The following RIMKLB variants were observed in gnomAD, a reference collection of about 807,000 sequenced individuals.
RIMKLB encodes the protein ribosomal modification protein rimK like family member B, also known as beta-citrylglutamate synthase B.
A neutral mutation model predicts 32.0 loss-of-function variants in RIMKLB; 7 were observed. The observed-to-expected ratio is 0.22, with a 90% CI of 0.12 to 0.41. RIMKLB has a LOEUF of 0.41. RIMKLB is among the 10% of genes least tolerant of loss of function. The pLI, the probability that RIMKLB is intolerant of heterozygous loss-of-function variation, is 1.00. For synonymous variants in RIMKLB, 172 were observed against 185.1 expected, an observed-to-expected ratio of 0.93 and a Z score of 0.57; for missense variants, 289 against 498.7, an observed-to-expected ratio of 0.58 and a Z score of 4.00.
intron 2 of RIMKLB, among the ~76,000 whole-genome samples, chr12:8,745,054 C>T (rs1245213622): frequency 6.6e-6 from 1 of 151,848 alleles, no homozygotes; most frequent in East Asian, 1.9e-4. Flanking sequence ...TCTGTGTGTT[C>T]TCATTGTTCA....
At chr12:8,739,878 C>G (rs1947340608) in intron 2 of RIMKLB, among the ~76,000 whole-genome samples, 1 of 152,124 alleles carries the variant, frequency 6.6e-6, no homozygotes, top group Non-Finnish European at 1.5e-5. Context: ...TTGGGGGACA[C>G]AAACATTGAA....
intron 2 of RIMKLB, among the ~76,000 whole-genome samples, chr12:8,727,162 C>T (rs1290581378): frequency 6.6e-6 from 1 of 151,956 alleles, no homozygotes. Context: ...CACGTGCACA[C>T]AGACACACAC....
chr12:8,766,244 C>T (rs1189684609), intron 5 of RIMKLB, among the ~76,000 whole-genome samples: 1 of 152,138 alleles, frequency 6.6e-6, no homozygotes, highest in Admixed American at 6.5e-5. Context: ...TTCTGCTTAT[C>T]GGATTAGTTA....
chr12:8,735,359 A>G (rs1334429454), intron 2 of RIMKLB, among the ~76,000 whole-genome samples: 1 of 152,118 alleles, frequency 6.6e-6, no homozygotes, highest in Non-Finnish European at 1.5e-5. Flanking sequence ...CTTCTAAAGT[A>G]GCTGGAACTA....
intron 5 of RIMKLB, among the ~76,000 whole-genome samples, chr12:8,766,542 GT>G: frequency 6.6e-6 from 1 of 152,352 alleles, no homozygotes; most frequent in Non-Finnish European, 1.5e-5. Context: ...GATTCTGTAA[GT>G]ACTTTAAGGT....
At chr12:8,771,618 G>T (rs1238697836) in intron 5 of RIMKLB, among the ~76,000 whole-genome samples, 1 of 152,074 alleles carries the variant, frequency 6.6e-6, no homozygotes, top group Non-Finnish European at 1.5e-5. Context: ...GCAGTTTAAT[G>T]TCCAAATCTA....
At chr12:8,714,346 C>T (rs74059972) in intron 2 of RIMKLB, among the ~76,000 whole-genome samples, 56 of 152,192 alleles carry the variant, frequency 3.7e-4, no homozygotes, top group African/African-American at 1.3e-3. Flanking sequence ...AAGTTCGAGT[C>T]CAGCCTGGGC....
At chr12:8,689,753 T>C (rs945288947) in intron 1 of RIMKLB, among the ~76,000 whole-genome samples, 6 of 152,120 alleles carry the variant, frequency 3.9e-5, no homozygotes, top group African/African-American at 1.4e-4. Flanking sequence ...ATGGTGGTGA[T>C]GCGGAGGTGG....
intron 1 of RIMKLB, among the ~76,000 whole-genome samples, chr12:8,691,646 TAGGAC>T (rs1253964581): frequency 2.0e-5 from 3 of 152,088 alleles, no homozygotes; most frequent in South Asian, 4.1e-4. Flanking sequence ...AATTAGGAAA[TAGGAC>T]AGGTTAAGAA....
At position 8,776,775 on chromosome 12, in the gene RIMKLB, C is replaced by T. The variant is rs1471129684; in HGVS notation, c.*2991C>T. The T allele has an allele frequency of 1.4e-5, 14 of 985,174 alleles. No individual in the cohort carries two copies. Among genetic ancestry groups the T allele is most frequent in the Non-Finnish European group, 1.6e-5 (13 of 829,752 alleles). The allele number at this position is 985,174 out of a possible 1,614,324, so 61.0% of individuals were successfully genotyped here. A position where few individuals can be genotyped will look rare whatever the true frequency, so the allele number is the denominator to read the frequency against. On this transcript the variant is annotated 3_prime_UTR_variant, in exon 6 of 6. Coordinates refer to ENST00000535829, the MANE Select transcript of RIMKLB (RefSeq NM_001297776.2). ...TATATGTTACCAATAAGAAAACTAC[C>T]CTGGAACAGTAGAAAAACCCAACAA... is the stretch of plus-strand genomic sequence containing the variant.
At chr12:8,731,617 C>T (rs778414280) in intron 2 of RIMKLB, among the ~76,000 whole-genome samples, 42 of 152,172 alleles carry the variant, frequency 2.8e-4, no homozygotes, top group African/African-American at 9.2e-4. Context: ...CTTTATTCTT[C>T]AATGATAGTT....
intron 1 of RIMKLB, among the ~76,000 whole-genome samples, chr12:8,706,226 G>A (rs958038528): frequency 6.6e-6 from 1 of 151,934 alleles, no homozygotes; most frequent in Non-Finnish European, 1.5e-5. Context: ...TGCAACCTCC[G>A]CCTTCTGGGT....
downstream of RIMKLB, chr12:8,777,210 G>C: frequency 1.7e-6 from 1 of 588,774 alleles, no homozygotes; most frequent in Non-Finnish European, 2.0e-6. Flanking sequence ...CTGCTTGCTT[G>C]CTTTCTTTTT....
the RIMKLB span, among the ~76,000 whole-genome samples, chr12:8,669,933 A>G: frequency 6.7e-6 from 1 of 149,680 alleles, no homozygotes; most frequent in Non-Finnish European, 1.5e-5. Flanking sequence ...AGGCTGAGGC[A>G]GGAGAATGGT....
intron 2 of RIMKLB, among the ~76,000 whole-genome samples, chr12:8,728,010 G>A (rs74059988): frequency 0.021 from 3,186 of 152,178 alleles, 109 homozygotes; most frequent in African/African-American, 0.072. Flanking sequence ...CCAACTTTTG[G>A]TATCCATAGG....
chr12:8,698,211 C>T lies in RIMKLB; in HGVS notation c.-143C>T. ...CCCTCCCCCTCCTCTCCTTCCCCCACTTCCAGCCGCCCGGCGGCCCGCGCT... is the reference window on the plus strand; with the variant it reads ...CCCTCCCCCTCCTCTCCTTCCCCCATTTCCAGCCGCCCGGCGGCCCGCGCT... On this transcript the variant is annotated 5_prime_UTR_variant, in exon 1 of 6. Coordinates refer to ENST00000535829, the MANE Select transcript of RIMKLB (RefSeq NM_001297776.2). The T allele has an allele frequency of 2.7e-6, 1 of 371,232 alleles. No individual in the cohort carries two copies. Among genetic ancestry groups the T allele is most frequent in the Non-Finnish European group, 5.5e-6 (1 of 182,458 alleles). 23.0% of individuals were successfully genotyped at this position (371,232 alleles called of 1,614,324 possible). A position where few individuals can be genotyped will look rare whatever the true frequency, so the allele number is the denominator to read the frequency against.
intron 2 of RIMKLB, among the ~76,000 whole-genome samples, chr12:8,748,532 G>A (rs1048056709): frequency 2.8e-5 from 3 of 108,412 alleles, no homozygotes; most frequent in Admixed American, 9.5e-5. Context: ...GTGTGTGTGT[G>A]TGTGTGTGTG....
chr12:8,739,730 C>T (rs1186769949), intron 2 of RIMKLB, among the ~76,000 whole-genome samples: 1 of 152,184 alleles, frequency 6.6e-6, no homozygotes, highest in African/African-American at 2.4e-5. Context: ...CTGCCTCGGC[C>T]TTCCAAAGTG....
At chr12:8,685,758 C>G (rs1942550822) in intron 1 of RIMKLB, among the ~76,000 whole-genome samples, 1 of 152,030 alleles carries the variant, frequency 6.6e-6, no homozygotes, top group South Asian at 2.1e-4. Context: ...ATTCTCTTGC[C>G]TCAGCTTCCC....
Sources: allele counts gnomAD v4.1 joint callset (sites outside exome capture counted in the v4.1 genomes callset), GRCh38; gene constraint gnomAD v4.1.1; transcripts MANE v1.5; gene names NCBI Gene and HGNC (gene_info 2026-07-23, HGNC 2026-07-21).